CDH13: variants seen among roughly 807,000 people sequenced by gnomAD.
CDH13 encodes cadherin-13.
Under a neutral mutation model 63.8 loss-of-function variants are expected in CDH13, and 24 were observed. The ratio of observed to expected loss-of-function variants is 0.38; its 90% confidence interval spans 0.27 to 0.53. The LOEUF is 0.53. CDH13 is among the 20% of genes least tolerant of loss of function. CDH13 has a pLI of 0.85. For synonymous variants in CDH13, 503 were observed against 355.3 expected (o/e 1.42, Z -4.67); for missense variants, 1,049 against 903.1 (o/e 1.16, Z -2.07).
intron 1 of CDH13, among the ~76,000 whole-genome samples, chr16:82,740,918 G>A (rs1597449476): frequency 6.6e-6 from 1 of 152,206 alleles, no homozygotes; most frequent in East Asian, 1.9e-4. Flanking sequence ...TTGTTTTAGG[G>A]TTTATATAAA....
chr16:83,313,840 G>A (rs1019861160), intron 5 of CDH13, among the ~76,000 whole-genome samples: 1 of 152,156 alleles, frequency 6.6e-6, no homozygotes, highest in African/African-American at 2.4e-5. Flanking sequence ...TGAATAAACT[G>A]ATCCTGTCTT....
chr16:83,430,425 T>C (rs982745949), intron 6 of CDH13, among the ~76,000 whole-genome samples: 2 of 152,236 alleles, frequency 1.3e-5, no homozygotes, highest in African/African-American at 2.4e-5. Context: ...GCAAACAACC[T>C]AATTGATGGG....
rs541422813 is a variant in CDH13, at chr16:83,424,404, C to T, written c.782-62073C>T. On this transcript the variant is annotated intron_variant, in intron 6 of 13. Transcript: ENST00000567109. Reference sequence around the variant, plus strand: ...GTAGCCTAGAGTTTAATCACACAAGCAGCCTTGGAGCTTTAGTTAATTTCA... The same window carrying T: ...GTAGCCTAGAGTTTAATCACACAAGTAGCCTTGGAGCTTTAGTTAATTTCA... Among the ~76,000 whole-genome samples the T allele has an allele frequency of 2.6e-3, 393 of 152,326 alleles. 4 individuals are homozygous for T. The highest frequency in any genetic ancestry group is 9.2e-3 in the African/African-American group (381 of 41,580).
intron 1 of CDH13, among the ~76,000 whole-genome samples, chr16:82,750,931 C>T (rs1047503201): frequency 6.6e-5 from 10 of 152,166 alleles, no homozygotes; most frequent in African/African-American, 2.4e-4. Context: ...TTAATTTAGA[C>T]ACATAATCTT....
At chr16:83,341,993 A>C (rs7201042) in intron 5 of CDH13, among the ~76,000 whole-genome samples, 34,254 of 127,252 alleles carry the variant, frequency 0.27, 4,494 homozygotes, top group East Asian at 0.46. Flanking sequence ...CCCCTGCCAC[A>C]CACACACACA....
chr16:83,373,721 T>A (rs2091413282), intron 6 of CDH13, among the ~76,000 whole-genome samples: 2 of 152,204 alleles, frequency 1.3e-5, no homozygotes, highest in African/African-American at 4.8e-5. Context: ...TGGATTTGAA[T>A]CTCCGCTTTA....
At chr16:82,879,576 CAAT>C (rs2040622175) in intron 2 of CDH13, among the ~76,000 whole-genome samples, 1 of 136,016 alleles carries the variant, frequency 7.4e-6, no homozygotes, top group African/African-American at 2.7e-5. Context: ...ATTTTATATA[CAAT>C]ATTATATATT....
intron 4 of CDH13, among the ~76,000 whole-genome samples, chr16:83,156,455 C>T (rs1270937009): frequency 1.3e-5 from 2 of 152,190 alleles, no homozygotes; most frequent in African/African-American, 4.8e-5. Context: ...ACAAAGGCGA[C>T]ATGTACTCTT....
rs1567513861 is a variant in CDH13, at chr16:83,216,412, AT to A, written c.484-932del. 1.1e-4 allele frequency among the ~76,000 whole-genome samples: 9 copies of A among 83,200 alleles called. 3 individuals carry two copies. The highest frequency in any genetic ancestry group is 4.2e-4 in the Admixed American group (3 of 7,168). The allele number at this position is 83,200 out of a possible 152,430, so 54.6% of individuals were successfully genotyped here. On this transcript the variant is annotated intron_variant, in intron 4 of 13. Coordinates refer to ENST00000567109, the MANE Select transcript of CDH13 (RefSeq NM_001257.5). ...CCAGCATTGAAATATATATATATAT[AT>A]ATATATATATATATATATATATATA...
At chr16:83,597,321 CT>C (rs1254583799) in intron 7 of CDH13, among the ~76,000 whole-genome samples, 2 of 152,108 alleles carry the variant, frequency 1.3e-5, no homozygotes, top group East Asian at 3.8e-4. Context: ...GTACATTGGA[CT>C]ATTAGACAGC....
chr16:83,753,519 C>G (rs1007764794), intron 11 of CDH13, among the ~76,000 whole-genome samples: 8 of 152,120 alleles, frequency 5.3e-5, no homozygotes, highest in African/African-American at 1.9e-4. Context: ...GCACTCTAGC[C>G]TGGGCAGCAG....
intron 3 of CDH13, among the ~76,000 whole-genome samples, chr16:83,034,172 G>A (rs950537273): frequency 6.6e-6 from 1 of 152,078 alleles, no homozygotes; most frequent in Non-Finnish European, 1.5e-5. Context: ...TACTGTCACC[G>A]TGCTCGTGGC....
At chr16:83,402,168 G>A (rs564664333) in intron 6 of CDH13, among the ~76,000 whole-genome samples, 110 of 152,130 alleles carry the variant, frequency 7.2e-4, no homozygotes, top group African/African-American at 2.4e-3. Context: ...TATTATTATT[G>A]TTGTTATTAT....
chr16:82,896,450 T>C (rs2041267074), intron 2 of CDH13, among the ~76,000 whole-genome samples: 1 of 151,778 alleles, frequency 6.6e-6, no homozygotes, highest in Admixed American at 6.6e-5. Context: ...TTCCCCACTA[T>C]GCCTGGGTAA....
chr16:83,534,732 A>G (rs1032087751), intron 7 of CDH13, among the ~76,000 whole-genome samples: 1 of 152,208 alleles, frequency 6.6e-6, no homozygotes, highest in African/African-American at 2.4e-5. Context: ...ACTGATGGAC[A>G]TTTGAGCTGC....
At chr16:82,706,739 G>T (rs1409780694) in intron 1 of CDH13, among the ~76,000 whole-genome samples, 1 of 152,036 alleles carries the variant, frequency 6.6e-6, no homozygotes, top group African/African-American at 2.4e-5. Flanking sequence ...AGGAGACGGA[G>T]GTTGCGGTGA....
chr16:83,573,015 C>T (rs984069145), intron 7 of CDH13, among the ~76,000 whole-genome samples: 2 of 152,158 alleles, frequency 1.3e-5, no homozygotes, highest in African/African-American at 2.4e-5. Flanking sequence ...GCCTTGAACA[C>T]GTTGACATAC....
intron 2 of CDH13, among the ~76,000 whole-genome samples, chr16:83,013,171 C>T (rs928612384): frequency 6.6e-6 from 1 of 152,222 alleles, no homozygotes; most frequent in Non-Finnish European, 1.5e-5. Flanking sequence ...GCGAGATATT[C>T]TGTTGCAACT....
At chr16:82,909,930 C>T (rs1046661485) in intron 2 of CDH13, among the ~76,000 whole-genome samples, 1 of 152,186 alleles carries the variant, frequency 6.6e-6, no homozygotes, top group Non-Finnish European at 1.5e-5. Context: ...TCCTTTTCTG[C>T]TTCCTGGTTA....
Sources: allele counts gnomAD v4.1 joint callset (sites outside exome capture counted in the v4.1 genomes callset), GRCh38; gene constraint gnomAD v4.1.1; transcripts MANE v1.5; gene names NCBI Gene and HGNC (gene_info 2026-07-23, HGNC 2026-07-21).